Variants in SIN3B observed in about 807,000 individuals in gnomAD.
SIN3B encodes the protein SIN3 transcription regulator family member B.
Under a neutral mutation model 120.2 loss-of-function variants are expected in SIN3B, and 19 were observed. The ratio of observed to expected loss-of-function variants is 0.16; its 90% CI spans 0.11 to 0.23. SIN3B has a LOEUF of 0.23. Among genes scored for constraint, SIN3B ranks in the 10% least tolerant of loss-of-function variants. The pLI, the probability that SIN3B is intolerant of heterozygous loss-of-function variation, is 1.00. For synonymous variants in SIN3B, 654 were observed against 653.2 expected (o/e 1.00, Z -0.02); for missense variants, 1,073 against 1,573.0 (o/e 0.68, Z 5.38).
chr19:16,840,812 T>C (rs1180590500), intron 3 of SIN3B, among the ~76,000 whole-genome samples: 6 of 152,162 alleles, frequency 3.9e-5, no homozygotes, highest in African/African-American at 1.4e-4. Flanking sequence ...CCTCGTGGAG[T>C]TCGCCATCTA....
chr19:16,842,510 G>T (rs376646841), intron 4 of SIN3B, among the ~76,000 whole-genome samples: 2 of 151,306 alleles, frequency 1.3e-5, no homozygotes, highest in Admixed American at 6.6e-5. Context: ...GGGCTCAAGC[G>T]ATCCTCCTGC....
Position 16,866,439 on chromosome 19 carries a change from G to A in SIN3B, c.1689G>A (p.Gln563=). The A allele has an allele frequency of 1.2e-6, 2 of 1,613,796 alleles. No individual in the cohort carries two copies. The highest frequency in any genetic ancestry group is 1.1e-5 in the South Asian group (1 of 91,080). ...QQGFNKIWRE[Q]YEKAYLKSLD... is the part of the protein sequence containing the mutation. The stretch of plus-strand genomic sequence containing the variant: ...GCTTCAACAAGATCTGGCGGGAGCA[G>A]TATGAGAAGGCGTACCTCAAGTCCC... The change falls in exon 12 of 19, where the codon CAG becomes CAA. Residue 563 remains glutamine (Q), a synonymous_variant. Coordinates refer to ENST00000248054, the MANE Select transcript of SIN3B (RefSeq NM_001297595.2).
intron 14 of SIN3B, among the ~76,000 whole-genome samples, chr19:16,874,631 T>C (rs1266241283): frequency 6.6e-6 from 1 of 151,354 alleles, no homozygotes; most frequent in East Asian, 2.0e-4. Flanking sequence ...GGTTTTGGTC[T>C]GGTCTGGTCT....
At chr19:16,837,238 G>T (rs809563) in intron 3 of SIN3B, among the ~76,000 whole-genome samples, 3 of 152,056 alleles carry the variant, frequency 2.0e-5, no homozygotes, top group Admixed American at 2.0e-4. Context: ...AGCCAGGAGC[G>T]TGAGAACCAC....
At chr19:16,853,245 C>A (rs1212388597) in intron 7 of SIN3B, 87 bp downstream of exon 7, 1 of 1,285,268 alleles carries the variant, frequency 7.8e-7, no homozygotes, top group Non-Finnish European at 1.1e-6. Context: ...AGGATTGGGG[C>A]GGGGAGCAGG....
chr19:16,842,393 G>A (rs1015963408), intron 4 of SIN3B, among the ~76,000 whole-genome samples: 1 of 146,646 alleles, frequency 6.8e-6, no homozygotes, highest in Non-Finnish European at 1.5e-5. Context: ...GTGAGCCACC[G>A]TGCCCAGCCA....
intron 4 of SIN3B, among the ~76,000 whole-genome samples, chr19:16,842,484 G>A (rs1328160532): frequency 6.7e-6 from 1 of 149,010 alleles, no homozygotes; most frequent in Non-Finnish European, 1.5e-5. Context: ...ATAGCTCACT[G>A]CAGCCTTGAC....
rs1383497112 is a variant in SIN3B at position 16,876,072 on chromosome 19, C to T, written c.2610C>T (p.Ser870=). Residue 870 remains serine (S), a synonymous_variant, in exon 15 of 19, where the codon AGC becomes AGT. Coordinates refer to ENST00000248054, the MANE Select transcript of SIN3B (RefSeq NM_001297595.2). The surrounding 1 kb of genome is among the most constrained non-coding windows in gnomAD (Gnocchi z 7.1). ...NIARQLHHLV[S]DDVCLKVVEL... is the part of the protein sequence containing the mutation. Reference sequence around the variant, plus strand: ...CCCGCCAGCTGCACCACCTCGTGAGCGATGACGTCTGCCTGAAGGTGGTGG... The same window carrying T: ...CCCGCCAGCTGCACCACCTCGTGAGTGATGACGTCTGCCTGAAGGTGGTGG... The T allele has an allele frequency of 9.6e-6, 15 of 1,568,124 alleles. No individual in the cohort carries two copies. Among genetic ancestry groups the T allele is most frequent in the South Asian group, 2.3e-5 (2 of 85,352 alleles).
chr19:16,859,043 T>C (rs1971653228), intron 8 of SIN3B, among the ~76,000 whole-genome samples: 1 of 151,996 alleles, frequency 6.6e-6, no homozygotes, highest in Non-Finnish European at 1.5e-5. Flanking sequence ...TGTACCTACT[T>C]TGGAGGTTGA....
chr19:16,851,467 A>T lies in SIN3B; in HGVS notation c.782A>T (p.Lys261Met). The T allele has an allele frequency of 6.2e-7, 1 of 1,610,290 alleles. No homozygotes were observed. Among genetic ancestry groups the T allele is most frequent in the South Asian group, 1.1e-5 (1 of 90,188 alleles). ...MHSVQKNEHD[K>M]TPEHSRKRSR... ...AGCGTGCAGAAGAACGAGCACGACA[A>T]GACCCCGGAGCACAGCAGGAAGCGC... Residue 261 changes from lysine (K) to methionine (M), a missense_variant, in exon 6 of 19, where the codon AAG becomes ATG. Physicochemically the swap from Lys to Met is moderately conservative, Grantham distance 95. Around this residue, in one of 7 missense-constraint regions of SIN3B, gnomAD observed 395 missense variants for 528.0 expected, o/e 0.75. Transcript: ENST00000248054.
chr19:16,874,834 T>C (rs1252781966), intron 14 of SIN3B, among the ~76,000 whole-genome samples: 1 of 151,986 alleles, frequency 6.6e-6, no homozygotes, highest in Non-Finnish European at 1.5e-5. Flanking sequence ...TGGTCTGGTC[T>C]GATTTGATTT....
chr19:16,857,553 G>GTATATATATA (rs1555742155), intron 8 of SIN3B, among the ~76,000 whole-genome samples: 3 of 139,546 alleles, frequency 2.1e-5, no homozygotes, highest in African/African-American at 8.0e-5. Flanking sequence ...GTGTGTGTGT[G>GTATATATATA]TATATATACA....
chr19:16,875,832 T>TTGGTCTGGTCTGGTCTGGTCTGTTTGGTC, intron 14 of SIN3B: 1 of 576,918 alleles, frequency 1.7e-6, no homozygotes, highest in Middle Eastern at 4.7e-4. Context: ...TCTGTTTGGT[T>TTGGTCTGGTCTGGTCTGGTCTGTTTGGTC]TGGTCTGGTC....
chr19:16,829,590 C>T, intron 1 of SIN3B, 50 bp downstream of exon 1: 1 of 1,256,514 alleles, frequency 8.0e-7, no homozygotes. Flanking sequence ...CTGGACCCCG[C>T]GGGCGGGCGC....
At chr19:16,873,859 G>C (rs902028684) in intron 14 of SIN3B, among the ~76,000 whole-genome samples, 1 of 152,218 alleles carries the variant, frequency 6.6e-6, no homozygotes, top group Non-Finnish European at 1.5e-5. Context: ...TCTGGACTCT[G>C]CCTCCCTTTT....
At chr19:16,837,218 G>C (rs978984931) in intron 3 of SIN3B, among the ~76,000 whole-genome samples, 1 of 152,010 alleles carries the variant, frequency 6.6e-6, no homozygotes, top group Admixed American at 6.6e-5. Flanking sequence ...AGGAGAGAAG[G>C]GGGAGAGGGA....
intron 7 of SIN3B, 92 bp from the exon 8 acceptor site, chr19:16,854,051 A>T: frequency 2.4e-6 from 2 of 838,862 alleles, no homozygotes; most frequent in Non-Finnish European, 3.8e-6. Context: ...TGGTTCCCAT[A>T]TCGCACACCC....
intron 3 of SIN3B, among the ~76,000 whole-genome samples, chr19:16,834,015 G>A (rs543053217): frequency 1.3e-5 from 2 of 152,098 alleles, no homozygotes; most frequent in Admixed American, 6.5e-5. Flanking sequence ...GTGAGCCACC[G>A]CACCCAGCTG....
chr19:16,863,607 T>C lies in SIN3B; in HGVS notation c.1267-73T>C, dbSNP rs530168554. On this transcript the variant is annotated intron_variant, in intron 9 of 18. Transcript: ENST00000248054. ...GATGGTATTATGTATCTTGGTACTTTCTACACTGGCTAACAGTAAATCTTG... is the reference window on the plus strand; with the variant it reads ...GATGGTATTATGTATCTTGGTACTTCCTACACTGGCTAACAGTAAATCTTG... 125 of 954,832 alleles carry C rather than the reference T, an allele frequency of 1.3e-4. No individual in the cohort carries two copies. In the African/African-American group the frequency reaches 1.9e-3, roughly 15 times the overall value. 59.1% of individuals were successfully genotyped at this position (954,832 alleles called of 1,614,324 possible).
Sources: allele counts gnomAD v4.1 joint callset (sites outside exome capture counted in the v4.1 genomes callset), GRCh38; gene constraint gnomAD v4.1.1; regional missense constraint gnomAD v4.1.1; non-coding constraint Gnocchi (gnomAD v3.1); transcripts MANE v1.5; gene names NCBI Gene and HGNC (gene_info 2026-07-23, HGNC 2026-07-21).